The following ANTXR1 variants were observed in gnomAD, a reference collection of about 807,000 sequenced individuals.
ANTXR1 encodes the protein ANTXR cell adhesion molecule 1, also known as anthrax toxin receptor 1.
In ANTXR1, 19 loss-of-function variants were observed where a neutral mutation model predicts 78.1. The ratio of observed to expected loss-of-function variants is 0.24; its 90% CI spans 0.17 to 0.36. ANTXR1 has a LOEUF of 0.36. Ranked by LOEUF, ANTXR1 falls within the 10% of genes least tolerant of loss-of-function variation. The pLI is 1.00. For synonymous variants in ANTXR1, 273 were observed against 260.5 expected (o/e 1.05, Z -0.46); for missense variants, 518 against 718.6 (o/e 0.72, Z 3.19).
chr2:69,065,335 G>A (rs1670366679), intron 3 of ANTXR1, among the ~76,000 whole-genome samples: 1 of 147,698 alleles, frequency 6.8e-6, no homozygotes, highest in Non-Finnish European at 1.5e-5. Flanking sequence ...TGAGGCAGGA[G>A]AACTACGTGA....
chr2:69,201,531 G>A (rs747698930), intron 17 of ANTXR1, among the ~76,000 whole-genome samples: 11 of 152,224 alleles, frequency 7.2e-5, no homozygotes, highest in Non-Finnish European at 1.5e-4. Context: ...AGGCGCAATC[G>A]GATGTGCATT....
chr2:69,200,429 A>G lies in ANTXR1; in HGVS notation c.1434+7014A>G, dbSNP rs557781480. 3.3e-5 allele frequency among the ~76,000 whole-genome samples: 5 copies of G among 152,338 alleles called. No homozygotes were observed. In the East Asian group the frequency reaches 7.7e-4, roughly 24 times the overall value. On this transcript the variant is annotated intron_variant, in intron 17 of 17. Coordinates refer to ENST00000303714, the MANE Select transcript of ANTXR1 (RefSeq NM_032208.3). Reference sequence around the variant, plus strand: ...TCGCAGAGGCGAGAATAGCCTGGGCAGGTTATCCTCCAGGAGAGAGGTTAT... The same window carrying G: ...TCGCAGAGGCGAGAATAGCCTGGGCGGGTTATCCTCCAGGAGAGAGGTTAT...
intron 17 of ANTXR1, among the ~76,000 whole-genome samples, chr2:69,229,071 A>G (rs552828406): frequency 1.3e-5 from 2 of 152,092 alleles, no homozygotes; most frequent in South Asian, 2.1e-4. Context: ...AAGGGGACCA[A>G]CCCCATCATG....
chr2:69,110,496 G>T (rs569363518), intron 10 of ANTXR1, among the ~76,000 whole-genome samples: 1 of 152,318 alleles, frequency 6.6e-6, no homozygotes, highest in African/African-American at 2.4e-5. Context: ...AAACAATGTT[G>T]TAGAAGAATA....
At chr2:69,109,686 A>C (rs867856504) in intron 10 of ANTXR1, among the ~76,000 whole-genome samples, 2 of 152,246 alleles carry the variant, frequency 1.3e-5, no homozygotes, top group African/African-American at 4.8e-5. Context: ...CACACCTTTC[A>C]TCCAAACAAA....
At chr2:69,089,083 A>G (rs1001565146) in intron 8 of ANTXR1, among the ~76,000 whole-genome samples, 2 of 152,210 alleles carry the variant, frequency 1.3e-5, no homozygotes, top group Non-Finnish European at 2.9e-5. Flanking sequence ...TGAAGGAACT[A>G]ATTACTTCCA....
rs569464606 is a variant in ANTXR1, at chr2:69,164,129, G to T, written c.1048-6119G>T. 2.1e-4 allele frequency among the ~76,000 whole-genome samples: 32 copies of T among 152,266 alleles called. 2 individuals are homozygous for T. The highest frequency in any genetic ancestry group is 3.4e-3 in the Middle Eastern group (1 of 294). On this transcript the variant is annotated intron_variant, in intron 13 of 17. Coordinates refer to ENST00000303714, the MANE Select transcript of ANTXR1 (RefSeq NM_032208.3). ...ATTTCGGATACAAAACTGGAAAATG[G>T]AGTCTATAATCACAGGGCAAGTGAA...
chr2:69,077,528 C>G, intron 8 of ANTXR1, 40 bp downstream of exon 8: 1 of 1,601,594 alleles, frequency 6.2e-7, no homozygotes. Flanking sequence ...CATTCAGGCA[C>G]CTTCCGTCTC....
chr2:69,218,498 G>A (rs1267755686), intron 17 of ANTXR1, among the ~76,000 whole-genome samples: 1 of 152,212 alleles, frequency 6.6e-6, no homozygotes, highest in South Asian at 2.1e-4. Flanking sequence ...AAATGCAGGT[G>A]TAGTTAGCCC....
At chr2:69,206,729 A>G (rs992469030) in intron 17 of ANTXR1, among the ~76,000 whole-genome samples, 3 of 151,954 alleles carry the variant, frequency 2.0e-5, no homozygotes, top group East Asian at 1.9e-4. Context: ...CAATAAGCAC[A>G]CCCCCCAAAA....
At chr2:69,047,673 G>T (rs544226634) in intron 3 of ANTXR1, among the ~76,000 whole-genome samples, 1 of 152,036 alleles carries the variant, frequency 6.6e-6, no homozygotes, top group East Asian at 1.9e-4. Context: ...TGGTAGTGTG[G>T]GTCATTTCTC....
intron 16 of ANTXR1, among the ~76,000 whole-genome samples, chr2:69,189,028 T>C (rs1674491321): frequency 6.6e-6 from 1 of 152,238 alleles, no homozygotes; most frequent in South Asian, 2.1e-4. Context: ...TAAACACTGT[T>C]TTTTCTAAAG....
intron 16 of ANTXR1, among the ~76,000 whole-genome samples, chr2:69,186,710 T>C (rs1487236811): frequency 1.3e-5 from 2 of 152,232 alleles, no homozygotes; most frequent in African/African-American, 2.4e-5. Flanking sequence ...ACAATCTAAA[T>C]CCACCTGTTT....
At chr2:69,101,225 C>A (rs908704368) in intron 9 of ANTXR1, among the ~76,000 whole-genome samples, 1 of 152,188 alleles carries the variant, frequency 6.6e-6, no homozygotes, top group East Asian at 1.9e-4. Context: ...AATGAGCAAA[C>A]CTGCCTAAAA....
At chr2:69,168,227 A>T (rs1412871501) in intron 13 of ANTXR1, among the ~76,000 whole-genome samples, 1 of 152,190 alleles carries the variant, frequency 6.6e-6, no homozygotes, top group Non-Finnish European at 1.5e-5. Flanking sequence ...CAAATACAAC[A>T]AGAAAGGGAA....
chr2:69,115,306 C>G (rs2104353923), intron 10 of ANTXR1, among the ~76,000 whole-genome samples: 1 of 152,356 alleles, frequency 6.6e-6, no homozygotes, highest in South Asian at 2.1e-4. Flanking sequence ...CCTGATACAA[C>G]CTAACAGACA....
intron 1 of ANTXR1, among the ~76,000 whole-genome samples, chr2:69,029,417 G>A (rs957393400): frequency 6.6e-6 from 1 of 151,306 alleles, no homozygotes; most frequent in Non-Finnish European, 1.5e-5. Context: ...ATTTTCCTGA[G>A]CTGCAGAAAG....
intron 9 of ANTXR1, 62 bp from the exon 10 acceptor site, chr2:69,102,780 G>A (rs774119725): frequency 1.4e-6 from 2 of 1,452,300 alleles, no homozygotes; most frequent in African/African-American, 1.4e-5. Context: ...CTAAATCAGG[G>A]CAGATGCGAA....
chr2:69,177,015 G>GAA (rs1573956627), intron 14 of ANTXR1, among the ~76,000 whole-genome samples: 1 of 152,200 alleles, frequency 6.6e-6, no homozygotes, highest in East Asian at 1.9e-4. Context: ...CAAGTCTGTG[G>GAA]AGTTGTCCCA....
Sources: allele counts gnomAD v4.1 joint callset (sites outside exome capture counted in the v4.1 genomes callset), GRCh38; gene constraint gnomAD v4.1.1; transcripts MANE v1.5; gene names NCBI Gene and HGNC (gene_info 2026-07-23, HGNC 2026-07-21).